Variants in MORC1 observed in about 807,000 individuals in gnomAD.
MORC1 encodes MORC family CW-type zinc finger 1.
MORC1 carries 59 observed loss-of-function variants against 134.9 expected under a neutral mutation model. The observed-to-expected ratio is 0.44, with a 90% CI of 0.35 to 0.54. MORC1 has a LOEUF of 0.54. MORC1 is among the 20% of genes least tolerant of loss of function. The pLI, the probability that MORC1 is intolerant of heterozygous loss-of-function variation, is 0.00. For missense variants in MORC1, 947 were observed against 1,134.5 expected (o/e 0.83, Z 2.37); for synonymous variants, 395 against 391.7 (o/e 1.01, Z -0.10).
intron 8 of MORC1, among the ~76,000 whole-genome samples, chr3:109,088,106 C>T (rs1256955048): frequency 6.6e-6 from 1 of 151,994 alleles, no homozygotes; most frequent in East Asian, 1.9e-4. Context: ...AATGTAAAAC[C>T]CAAAACTATA....
intron 14 of MORC1, among the ~76,000 whole-genome samples, chr3:109,039,787 G>GTCTAGACATCATC (rs1559911923): frequency 1.3e-5 from 2 of 152,238 alleles, no homozygotes; most frequent in South Asian, 2.1e-4. Context: ...AAGTATAGAT[G>GTCTAGACATCATC]AAGAGGTGAA....
At chr3:108,971,500 C>A in intron 24 of MORC1, 98 bp from the exon 25 acceptor site, 1 of 988,972 alleles carries the variant, frequency 1.0e-6, no homozygotes. Context: ...ATTAAATATC[C>A]TGGCAAAGAT....
At chr3:109,081,887 T>C (rs1266340553) in intron 8 of MORC1, among the ~76,000 whole-genome samples, 1 of 152,108 alleles carries the variant, frequency 6.6e-6, no homozygotes, top group African/African-American at 2.4e-5. Context: ...GCTTCCCCAC[T>C]ATCCTGGGTT....
chr3:109,045,312 T>C (rs1949668876), intron 14 of MORC1, among the ~76,000 whole-genome samples: 1 of 150,696 alleles, frequency 6.6e-6, no homozygotes, highest in African/African-American at 2.5e-5. Flanking sequence ...ACTGTCCTGT[T>C]TGTCATTACC....
At chr3:109,062,379 T>G (rs888483432) in intron 10 of MORC1, among the ~76,000 whole-genome samples, 7 of 150,818 alleles carry the variant, frequency 4.6e-5, no homozygotes, top group African/African-American at 1.7e-4. Context: ...GGGAAGAGAG[T>G]TTTGTTCCTG....
At chr3:109,050,699 C>T (rs1229176182) in intron 14 of MORC1, among the ~76,000 whole-genome samples, 1 of 152,110 alleles carries the variant, frequency 6.6e-6, no homozygotes, top group Non-Finnish European at 1.5e-5. Flanking sequence ...TGAAAGAACC[C>T]ATGAGATATG....
At chr3:109,107,342 A>G (rs1951061676) in intron 3 of MORC1, among the ~76,000 whole-genome samples, 1 of 152,092 alleles carries the variant, frequency 6.6e-6, no homozygotes, top group Non-Finnish European at 1.5e-5. Flanking sequence ...TTTGGAACAC[A>G]GTTACCTCAG....
At chr3:108,997,142 C>T (rs1381513472) in intron 21 of MORC1, among the ~76,000 whole-genome samples, 1 of 151,746 alleles carries the variant, frequency 6.6e-6, no homozygotes, top group Non-Finnish European at 1.5e-5. Context: ...AAATGGGAGG[C>T]ATGGTGCAGA....
intron 8 of MORC1, among the ~76,000 whole-genome samples, chr3:109,085,555 T>A (rs1576726180): frequency 6.6e-6 from 1 of 151,522 alleles, no homozygotes; most frequent in African/African-American, 2.4e-5. Flanking sequence ...AAAACCACAA[T>A]GAGATATCAT....
At chr3:108,963,364 T>C in intron 27 of MORC1, 50 bp downstream of exon 27, 1 of 1,481,064 alleles carries the variant, frequency 6.8e-7, no homozygotes, top group Admixed American at 2.0e-5. Context: ...AGCTGAGTTC[T>C]CGTTCCATAG....
intron 14 of MORC1, among the ~76,000 whole-genome samples, chr3:109,041,698 T>C (rs1949556607): frequency 6.6e-6 from 1 of 151,892 alleles, no homozygotes; most frequent in Admixed American, 6.6e-5. Context: ...AATACAAAAG[T>C]TAGCTGGGTG....
At chr3:109,017,438 G>A (rs1948842795) in intron 17 of MORC1, among the ~76,000 whole-genome samples, 1 of 152,124 alleles carries the variant, frequency 6.6e-6, no homozygotes, top group Non-Finnish European at 1.5e-5. Flanking sequence ...CATGTTAAGT[G>A]TACTAAATGA....
chr3:109,046,326 T>C (rs1949696690), intron 14 of MORC1, among the ~76,000 whole-genome samples: 3 of 152,236 alleles, frequency 2.0e-5, no homozygotes, highest in Non-Finnish European at 2.9e-5. Context: ...ATGTTTCTCC[T>C]GGTTCTTTCT....
chr3:109,007,718 T>C (rs1447446712), intron 17 of MORC1, among the ~76,000 whole-genome samples: 3 of 152,184 alleles, frequency 2.0e-5, no homozygotes, highest in Non-Finnish European at 4.4e-5. Flanking sequence ...ACTAATTGCT[T>C]TATCTTCTAT....
At chr3:109,046,650 T>C (rs927926779) in intron 14 of MORC1, among the ~76,000 whole-genome samples, 1 of 152,226 alleles carries the variant, frequency 6.6e-6, no homozygotes. Flanking sequence ...TTGATTTTTA[T>C]TAATACAATG....
chr3:108,992,542 C>G (rs1418973339), intron 21 of MORC1, among the ~76,000 whole-genome samples: 31 of 152,114 alleles, frequency 2.0e-4, no homozygotes, highest in Admixed American at 2.0e-3. Context: ...CTTACTTGAT[C>G]CTTCTAAGCA....
rs1053991397 is a variant in MORC1 at position 109,015,381 on chromosome 3, G to A, written c.1705-8290C>T. ...AAGATTATACCATAGTCAATGAGTG[G>A]GTTACATTTTAACTGTATCTTTAGT... On this transcript the variant is annotated intron_variant, in intron 17 of 27. Coordinates refer to ENST00000232603, the MANE Select transcript of MORC1 (RefSeq NM_014429.4). 3.3e-5 allele frequency among the ~76,000 whole-genome samples: 5 copies of A among 152,136 alleles called. No individual in the cohort carries two copies. In the East Asian group the frequency reaches 9.7e-4, roughly 29 times the overall value.
chr3:109,029,358 G>A (rs1281524473), intron 16 of MORC1, among the ~76,000 whole-genome samples: 2 of 152,132 alleles, frequency 1.3e-5, no homozygotes, highest in Non-Finnish European at 2.9e-5. Flanking sequence ...AAGAACCTGT[G>A]ACAACATTAA....
At chr3:108,973,261 T>C (rs534893979) in intron 24 of MORC1, among the ~76,000 whole-genome samples, 1 of 152,182 alleles carries the variant, frequency 6.6e-6, no homozygotes, top group South Asian at 2.1e-4. Context: ...CCCAATACAA[T>C]CTTACTGAAC....
Sources: allele counts gnomAD v4.1 joint callset (sites outside exome capture counted in the v4.1 genomes callset), GRCh38; gene constraint gnomAD v4.1.1; transcripts MANE v1.5; gene names NCBI Gene and HGNC (gene_info 2026-07-23, HGNC 2026-07-21).